The following CERS6 variants were observed in gnomAD, a reference collection of about 807,000 sequenced individuals.
CERS6 encodes the protein LAG1 homolog, ceramide synthase 6.
In CERS6, 26 loss-of-function variants were observed where a neutral mutation model predicts 56.8. That is an observed-to-expected ratio of 0.46 (90% CI 0.34 to 0.63). The LOEUF (loss-of-function observed/expected upper bound fraction) is 0.63, where lower values mean the gene tolerates loss of function less well. Among genes scored for constraint, CERS6 ranks in the 30% least tolerant of loss-of-function variants. The probability of loss-of-function intolerance (pLI) is 0.01; values close to 1 mark genes in which losing one functional copy is unlikely to be tolerated. For missense variants in CERS6, 415 were observed against 467.5 expected (o/e 0.89, Z 1.04); for synonymous variants, 164 against 173.3 (o/e 0.95, Z 0.42).
intron 1 of CERS6, among the ~76,000 whole-genome samples, chr2:168,524,478 A>G (rs1410026052): frequency 1.3e-5 from 2 of 152,218 alleles, no homozygotes; most frequent in African/African-American, 4.8e-5. Flanking sequence ...TGCTGGGTCA[A>G]GCTGAAATGA....
At chr2:168,645,007 T>G in intron 4 of CERS6, among the ~76,000 whole-genome samples, 1 of 144,678 alleles carries the variant, frequency 6.9e-6, no homozygotes, top group Admixed American at 7.1e-5. Context: ...CAGGAGAATT[T>G]CTTGAACCCG....
chr2:168,748,352 C>T (rs963063104), intron 8 of CERS6, among the ~76,000 whole-genome samples: 9 of 152,140 alleles, frequency 5.9e-5, no homozygotes, highest in African/African-American at 1.9e-4. Flanking sequence ...GGTGGAAACA[C>T]AAGAGAGTGC....
chr2:168,520,884 C>T lies in CERS6; in HGVS notation c.171-26712C>T, dbSNP rs532884337. On this transcript the variant is annotated intron_variant, in intron 1 of 9. Coordinates refer to ENST00000305747, the MANE Select transcript of CERS6 (RefSeq NM_203463.3). ...TCAGCCTCCCAAAGTGCTGGGATTA[C>T]AGACGTGAGCCACCACGCTCAATTG... 3.3e-5 allele frequency among the ~76,000 whole-genome samples: 5 copies of T among 152,096 alleles called. No homozygotes were observed. The East Asian group carries it at 9.7e-4, about 29-fold the overall frequency.
Position 168,772,342 on chromosome 2 carries a change from T to TA in CERS6, c.*2681dup, listed in dbSNP as rs1369657629. ...TTAATAGCTTTTCTGGATCTCTTAG[T>TA]AGGGGGAAAGTAGAAAATCGAGTAG... On this transcript the variant is annotated 3_prime_UTR_variant, in exon 10 of 10. Coordinates refer to ENST00000305747, the MANE Select transcript of CERS6 (RefSeq NM_203463.3). 6.6e-6 allele frequency: 1 copy of TA among 152,614 alleles called. No homozygotes were observed. The highest frequency in any genetic ancestry group is 2.4e-5 in the African/African-American group (1 of 41,454). The allele number at this position is 152,614 out of a possible 1,614,324, so 9.5% of individuals were successfully genotyped here.
At chr2:168,511,950 GCACACACACACA>G (rs10568314) in intron 1 of CERS6, among the ~76,000 whole-genome samples, 44 of 148,642 alleles carry the variant, frequency 3.0e-4, no homozygotes, top group African/African-American at 1.0e-3. Flanking sequence ...GCATGCACGT[GCACACACACACA>G]CACACACACA....
chr2:168,511,343 C>T (rs1694784082), intron 1 of CERS6, among the ~76,000 whole-genome samples: 1 of 152,172 alleles, frequency 6.6e-6, no homozygotes, highest in Admixed American at 6.6e-5. Flanking sequence ...CATCATCTCC[C>T]ATTGAATTGA....
intron 1 of CERS6, among the ~76,000 whole-genome samples, chr2:168,517,795 A>G (rs1056865078): frequency 6.6e-6 from 1 of 152,230 alleles, no homozygotes; most frequent in African/African-American, 2.4e-5. Flanking sequence ...CTGAGAGTGT[A>G]AGAGGTTACT....
chr2:168,734,508 A>C (rs1251022390), intron 8 of CERS6, among the ~76,000 whole-genome samples: 2 of 152,218 alleles, frequency 1.3e-5, no homozygotes, highest in Non-Finnish European at 2.9e-5. Context: ...GCTAACACTG[A>C]ACCTGATGAA....
At chr2:168,580,821 G>A (rs780787827) in intron 3 of CERS6, among the ~76,000 whole-genome samples, 2 of 151,598 alleles carry the variant, frequency 1.3e-5, no homozygotes, top group Non-Finnish European at 2.9e-5. Context: ...TTATATCATC[G>A]CACTGTCTTC....
rs73969286 is a variant in CERS6, at chr2:168,624,291, A to G, written c.408-6694A>G. On this transcript the variant is annotated intron_variant, in intron 3 of 9. Coordinates refer to ENST00000305747, the MANE Select transcript of CERS6 (RefSeq NM_203463.3). ...GAACTGAAACAGAGATGGTAGCAGCAGAGTAATGGTATTTATAGTCAAAAT... is the reference window on the plus strand; with the variant it reads ...GAACTGAAACAGAGATGGTAGCAGCGGAGTAATGGTATTTATAGTCAAAAT... 7.1e-3 allele frequency among the ~76,000 whole-genome samples: 1,078 copies of G among 152,310 alleles called. 11 individuals carry two copies. The highest frequency in any genetic ancestry group is 0.024 in the African/African-American group (1,018 of 41,566).
intron 3 of CERS6, 110 bp from the exon 4 acceptor site, chr2:168,630,875 G>T (rs949987001): frequency 2.6e-5 from 13 of 499,770 alleles, no homozygotes; most frequent in Non-Finnish European, 4.3e-5. Context: ...CTTAGTTGAG[G>T]TAGGGGGACA....
At chr2:168,504,651 G>A (rs1901838) in intron 1 of CERS6, among the ~76,000 whole-genome samples, 9,278 of 152,132 alleles carry the variant, frequency 0.061, 500 homozygotes, top group East Asian at 0.18. Flanking sequence ...TGGGTCTGGC[G>A]TAGTGGGGTG....
intron 3 of CERS6, among the ~76,000 whole-genome samples, chr2:168,619,509 G>GA (rs996244891): frequency 1.2e-4 from 18 of 149,880 alleles, no homozygotes; most frequent in African/African-American, 2.2e-4. Flanking sequence ...AAATCAGCAA[G>GA]AAAAAAAAAT....
chr2:168,482,692 G>A (rs914922001), intron 1 of CERS6, among the ~76,000 whole-genome samples: 2 of 152,242 alleles, frequency 1.3e-5, no homozygotes, highest in African/African-American at 4.8e-5. Flanking sequence ...GATTAGTGCA[G>A]TGGCACGGAG....
intron 3 of CERS6, among the ~76,000 whole-genome samples, chr2:168,609,009 A>AT (rs1377593900): frequency 6.6e-6 from 1 of 152,202 alleles, no homozygotes; most frequent in Admixed American, 6.5e-5. Context: ...AATATTTTGG[A>AT]TACCCACACA....
At chr2:168,619,806 T>A (rs1684416570) in intron 3 of CERS6, among the ~76,000 whole-genome samples, 1 of 151,728 alleles carries the variant, frequency 6.6e-6, no homozygotes, top group African/African-American at 2.4e-5. Context: ...AGTAGAACCA[T>A]TTGATCCAGC....
intron 3 of CERS6, among the ~76,000 whole-genome samples, chr2:168,625,220 T>C (rs559990044): frequency 6.6e-6 from 1 of 152,310 alleles, no homozygotes; most frequent in African/African-American, 2.4e-5. Context: ...GTTTTGGTGC[T>C]CTAGCAATGT....
intron 3 of CERS6, among the ~76,000 whole-genome samples, chr2:168,611,738 T>G (rs539782291): frequency 5.9e-5 from 9 of 152,318 alleles, no homozygotes; most frequent in South Asian, 2.1e-4. Context: ...TATTAAACAT[T>G]AAATAACTTT....
At chr2:168,698,255 G>GAAAAAAAAA (rs869056813) in intron 6 of CERS6, among the ~76,000 whole-genome samples, 4 of 17,948 alleles carry the variant, frequency 2.2e-4, no homozygotes, top group Non-Finnish European at 5.9e-4. Flanking sequence ...AAAAAAAAAA[G>GAAAAAAAAA]AAAAAAAAAA....
Sources: allele counts gnomAD v4.1 joint callset (sites outside exome capture counted in the v4.1 genomes callset), GRCh38; gene constraint gnomAD v4.1.1; transcripts MANE v1.5; gene names NCBI Gene and HGNC (gene_info 2026-07-23, HGNC 2026-07-21).